HELZ: variants seen among roughly 807,000 people sequenced by gnomAD.
The protein encoded by HELZ is ATP-dependent RNA helicase with zinc finger domain.
In HELZ, 23 loss-of-function variants were observed where a neutral mutation model predicts 218.2. That is an observed-to-expected ratio of 0.11 (90% CI 0.08 to 0.15). HELZ has a LOEUF of 0.15. Among genes scored for constraint, HELZ ranks in the 10% least tolerant of loss-of-function variants. HELZ has a pLI of 1.00. For synonymous variants in HELZ, 814 were observed against 829.4 expected, an observed-to-expected ratio of 0.98 and a Z score of 0.32; for missense variants, 1,813 against 2,353.7, an observed-to-expected ratio of 0.77 and a Z score of 4.75.
At chr17:67,134,251 G>A (rs908156163) in intron 23 of HELZ, among the ~76,000 whole-genome samples, 11 of 152,098 alleles carry the variant, frequency 7.2e-5, no homozygotes, top group African/African-American at 2.7e-4. Context: ...TGGGCGTGGT[G>A]GCGCATGCCT....
chr17:67,170,374 G>A (rs1442042905), intron 13 of HELZ, among the ~76,000 whole-genome samples: 2 of 152,194 alleles, frequency 1.3e-5, no homozygotes, highest in Admixed American at 6.5e-5. Flanking sequence ...AATTAGCTGG[G>A]CGTGGTGGCA....
At chr17:67,225,200 AAGATT>A (rs1260838560) in intron 3 of HELZ, 2 of 337,782 alleles carry the variant, frequency 5.9e-6, no homozygotes, top group Non-Finnish European at 5.5e-6. Context: ...AGATGTTTAA[AAGATT>A]ATATGTACGT....
intron 3 of HELZ, among the ~76,000 whole-genome samples, chr17:67,238,553 G>C (rs1363058380): frequency 1.3e-5 from 2 of 151,754 alleles, no homozygotes; most frequent in African/African-American, 4.8e-5. Flanking sequence ...ATGGTGGCGG[G>C]CGCCTGTAAT....
At chr17:67,221,982 T>A (rs995388099) in intron 3 of HELZ, among the ~76,000 whole-genome samples, 2 of 151,944 alleles carry the variant, frequency 1.3e-5, no homozygotes, top group African/African-American at 4.8e-5. Context: ...GGACTACAAG[T>A]GCATGCCACC....
chr17:67,117,656 T>C (rs1242875279), intron 27 of HELZ, among the ~76,000 whole-genome samples: 1 of 151,318 alleles, frequency 6.6e-6, no homozygotes, highest in Non-Finnish European at 1.5e-5. Flanking sequence ...TTCAAGCGAT[T>C]CTCCTGCCTC....
rs1300850648 is a variant in HELZ, at chr17:67,138,033, C to T, written c.2851G>A (p.Gly951Ser). 1 of 1,613,666 alleles carries T rather than the reference C, an allele frequency of 6.2e-7. No homozygotes were observed. Among genetic ancestry groups the T allele is most frequent in the East Asian group, 2.2e-5 (1 of 44,874 alleles). ...TGATCAGCATATGGAGTCACCACAC[C>T]AATACTGCCATCATCTAACTTCCCC... ...AWGKLDDGSI[G>S]VVTPYADQVF... Residue 951 changes from glycine (G) to serine (S), a missense_variant, in exon 22 of 33, where the codon GGT (glycine) becomes AGT (serine). Physicochemically the swap from Gly to Ser is moderately conservative, Grantham distance 56 (BLOSUM62 0). Coordinates refer to ENST00000358691, the MANE Select transcript of HELZ (RefSeq NM_014877.4).
chr17:67,092,894 G>T (rs897262921), intron 31 of HELZ, among the ~76,000 whole-genome samples: 1 of 151,248 alleles, frequency 6.6e-6, no homozygotes, highest in African/African-American at 2.4e-5. Flanking sequence ...GAAACCGGCG[G>T]GGGGGGGAAG....
chr17:67,123,660 A>G (rs1375356326), intron 25 of HELZ, among the ~76,000 whole-genome samples: 1 of 152,232 alleles, frequency 6.6e-6, no homozygotes, highest in Admixed American at 6.5e-5. Context: ...TATTTTCTGA[A>G]AATTTATGTT....
rs2038984859 is a variant in HELZ at position 67,161,164 on chromosome 17, A to T, written c.1896-88T>A. On this transcript the variant is annotated intron_variant, in intron 15 of 32. Coordinates refer to ENST00000358691, the MANE Select transcript of HELZ (RefSeq NM_014877.4). ...CGAGTATCGTGAATTTCAGTGAACC[A>T]TTAAAACCACTGAAATAGCATAGCA... 3 of 950,048 alleles carry T rather than the reference A, an allele frequency of 3.2e-6. No homozygotes were observed. The South Asian group carries it at 5.7e-5, about 18-fold the overall frequency. 58.9% of individuals were successfully genotyped at this position (950,048 alleles called of 1,614,324 possible).
rs1190848830 is a variant in HELZ, at chr17:67,188,223, C to G, written c.1162+96G>C. On this transcript the variant is annotated intron_variant, in intron 12 of 32. Transcript: ENST00000358691. The surrounding 1 kb of genome is among the most constrained non-coding windows in gnomAD (Gnocchi z 4.1). ...TGGGATTTTTTTCTTTATTACTATT[C>G]TCTTCCTATCCATGGAATATATTCA... 4 of 1,174,206 alleles carry G rather than the reference C, an allele frequency of 3.4e-6. No homozygotes were observed. The highest frequency in any genetic ancestry group is 4.8e-6 in the Non-Finnish European group (4 of 826,394). The allele number at this position is 1,174,206 out of a possible 1,614,324, so 72.7% of individuals were successfully genotyped here.
At chr17:67,244,059 C>A in intron 1 of HELZ, 1 of 825,210 alleles carries the variant, frequency 1.2e-6, no homozygotes, top group East Asian at 1.2e-4. Flanking sequence ...TCTTAAAACT[C>A]AAAAACATAA....
chr17:67,154,395 C>T (rs2038778035), intron 17 of HELZ, among the ~76,000 whole-genome samples: 2 of 152,064 alleles, frequency 1.3e-5, no homozygotes, highest in South Asian at 4.1e-4. Context: ...CACCACTGCA[C>T]TCCAGCCTGG....
At chr17:67,207,783 TG>T (rs2143176079) in intron 5 of HELZ, among the ~76,000 whole-genome samples, 1 of 152,212 alleles carries the variant, frequency 6.6e-6, no homozygotes, top group East Asian at 1.9e-4. Flanking sequence ...CTGAGGCAGG[TG>T]GATCACCTGA....
At chr17:67,193,873 T>G (rs2039960518) in intron 9 of HELZ, 94 bp downstream of exon 9, 3 of 891,610 alleles carry the variant, frequency 3.4e-6, no homozygotes, top group Non-Finnish European at 5.3e-6. Context: ...TGTTTCAAAT[T>G]GAAAATAAAC....
chr17:67,105,326 C>A (rs1448834125), intron 31 of HELZ, among the ~76,000 whole-genome samples: 2 of 152,174 alleles, frequency 1.3e-5, no homozygotes, highest in Non-Finnish European at 2.9e-5. Context: ...CCCAAGAACT[C>A]CACTCCTAAG....
At chr17:67,184,994 C>T (rs1329444200) in intron 12 of HELZ, among the ~76,000 whole-genome samples, 3 of 152,082 alleles carry the variant, frequency 2.0e-5, no homozygotes, top group Non-Finnish European at 4.4e-5. Flanking sequence ...TTCCCAATTG[C>T]ATTTGGCCAA....
Position 67,107,393 on chromosome 17 carries a change from G to C in HELZ, c.5017C>G (p.Pro1673Ala). The change falls in exon 31 of 33, where the codon CCC becomes GCC. Residue 1673 changes from proline to alanine, a missense_variant. Pro to Ala is a conservative substitution (Grantham distance 27). Coordinates refer to ENST00000358691, the MANE Select transcript of HELZ (RefSeq NM_014877.4). ...CCATCAGGTGCCAGGTATTTCAAGG[G>C]AGGAGGGGCAAGGTGTTCAGATGGC... is the stretch of plus-strand genomic sequence containing the variant. ...SLPSEHLAPP[P>A]LKYLAPDGAW... is the part of the protein sequence containing the mutation. The C allele has an allele frequency of 6.2e-7, 1 of 1,614,232 alleles. No homozygotes were observed. Among genetic ancestry groups the C allele is most frequent in the Non-Finnish European group, 8.5e-7 (1 of 1,180,050 alleles).
chr17:67,208,229 A>T (rs2040355236), intron 5 of HELZ, among the ~76,000 whole-genome samples: 1 of 152,180 alleles, frequency 6.6e-6, no homozygotes, highest in Non-Finnish European at 1.5e-5. Flanking sequence ...AGAAAGAAAC[A>T]ACAAAAAAAG....
chr17:67,206,892 C>G (rs548705980), intron 5 of HELZ, among the ~76,000 whole-genome samples: 12 of 150,886 alleles, frequency 8.0e-5, no homozygotes, highest in Admixed American at 4.6e-4. Context: ...AGCCACTATG[C>G]CGGGTTTTTT....
Sources: gnomAD v4.1 joint callset for allele counts (sites outside exome capture counted in the v4.1 genomes callset) on GRCh38, gnomAD v4.1.1 for gene constraint, Gnocchi (gnomAD v3.1) non-coding constraint, MANE v1.5 for transcripts, NCBI Gene and HGNC (gene_info 2026-07-23, HGNC 2026-07-21) for gene names.